The following TVP23A variants were observed in gnomAD, a reference collection of about 807,000 sequenced individuals.
TVP23A encodes the protein Golgi apparatus membrane protein TVP23 homolog A.
Under a neutral mutation model 31.7 loss-of-function variants are expected in TVP23A, and 21 were observed. The ratio of observed to expected loss-of-function variants is 0.66; its 90% CI spans 0.47 to 0.95. The LOEUF (loss-of-function observed/expected upper bound fraction) is 0.95. TVP23A is among the 40% of genes least tolerant of loss of function. The pLI is 0.00. For missense variants in TVP23A, 279 were observed against 255.6 expected, an observed-to-expected ratio of 1.09 and a Z score of -0.62; for synonymous variants, 104 against 96.0, an observed-to-expected ratio of 1.08 and a Z score of -0.49.
intron 2 of TVP23A, among the ~76,000 whole-genome samples, chr16:10,804,990 G>A (rs371195077): frequency 1.1e-4 from 17 of 151,960 alleles, no homozygotes; most frequent in South Asian, 4.2e-4. Context: ...CCTCTGTCTC[G>A]GTGTGTTCAT....
At chr16:10,795,252 T>A (rs932190047) in intron 2 of TVP23A, among the ~76,000 whole-genome samples, 1 of 90,750 alleles carries the variant, frequency 1.1e-5, no homozygotes, top group African/African-American at 8.9e-5. Context: ...TATATGATGC[T>A]TTTTTTTTTT....
intron 7 of TVP23A, among the ~76,000 whole-genome samples, chr16:10,769,993 C>T (rs761907844): frequency 1.3e-5 from 2 of 152,200 alleles, no homozygotes; most frequent in Non-Finnish European, 2.9e-5. Flanking sequence ...CTTCCCTCCC[C>T]GCCCTTCCCT....
chr16:10,760,484 G>A (rs1232612005), downstream of TVP23A, among the ~76,000 whole-genome samples: 1 of 152,350 alleles, frequency 6.6e-6, no homozygotes, highest in South Asian at 2.1e-4. Context: ...AGTGGCTCAC[G>A]CCTCTAACCC....
At chr16:10,774,473 G>T (rs895226105) in intron 3 of TVP23A, among the ~76,000 whole-genome samples, 2 of 151,970 alleles carry the variant, frequency 1.3e-5, no homozygotes, top group Non-Finnish European at 2.9e-5. Context: ...CGTGTTGTGG[G>T]GGAGACCGGG....
Position 10,793,611 on chromosome 16 carries a change from T to C in TVP23A, c.90-18515A>G, listed in dbSNP as rs554236110. Among the ~76,000 whole-genome samples the C allele has an allele frequency of 2.0e-5, 3 of 152,136 alleles. No homozygotes were observed. In the East Asian group the frequency reaches 5.8e-4, roughly 29 times the overall value. On this transcript the variant is annotated intron_variant, in intron 2 of 7. Transcript: ENST00000299866. ...AATTTACAAACAACAGAAATATTTATTTGGCTAGGTACGGTGGCTCACGTC... is the reference window on the plus strand; with the variant it reads ...AATTTACAAACAACAGAAATATTTACTTGGCTAGGTACGGTGGCTCACGTC...
At chr16:10,798,870 GC>G (rs200639547) in intron 2 of TVP23A, among the ~76,000 whole-genome samples, 1,740 of 152,226 alleles carry the variant, frequency 0.011, 39 homozygotes, top group African/African-American at 0.04. Context: ...CACCATGTTG[GC>G]CAGGATGGTC....
intron 6 of TVP23A, 56 bp downstream of exon 6, chr16:10,771,614 C>A: frequency 6.2e-7 from 1 of 1,602,456 alleles, no homozygotes; most frequent in South Asian, 1.1e-5. Context: ...AGCAGGCCAC[C>A]TTGACTTTGA....
chr16:10,768,138 C>A lies in TVP23A; in HGVS notation c.*964G>T. ...GGTGGGTGGTGGGGTCTGTGATGAC[C>A]ACAGAGTGGCCCCCATAGCCGAGGA... On this transcript the variant is annotated 3_prime_UTR_variant, in exon 8 of 8. Transcript: ENST00000299866. The surrounding 1 kb of genome is among the most constrained non-coding windows in gnomAD (Gnocchi z 4.3). The A allele has an allele frequency of 3.0e-6, 3 of 989,266 alleles. No homozygotes were observed. The highest frequency in any genetic ancestry group is 3.1e-6 in the Non-Finnish European group (2 of 642,508). The allele number at this position is 989,266 out of a possible 1,614,324, so 61.3% of individuals were successfully genotyped here. A position where few individuals can be genotyped will look rare whatever the true frequency, so the allele number is the denominator to read the frequency against.
chr16:10,785,061 C>T (rs2032663616), intron 2 of TVP23A, among the ~76,000 whole-genome samples: 1 of 148,852 alleles, frequency 6.7e-6, no homozygotes, highest in African/African-American at 2.5e-5. Flanking sequence ...CACAACACTA[C>T]ACTCCAGCCT....
At chr16:10,770,489 G>A (rs934797485) in intron 6 of TVP23A, among the ~76,000 whole-genome samples, 158 bp from the exon 7 acceptor site, 3 of 151,934 alleles carry the variant, frequency 2.0e-5, no homozygotes, top group African/African-American at 7.2e-5. Context: ...ATTTAGGACG[G>A]TTCTACCCAT....
chr16:10,781,985 C>T (rs2032454551), intron 2 of TVP23A, among the ~76,000 whole-genome samples: 1 of 150,596 alleles, frequency 6.6e-6, no homozygotes, highest in East Asian at 2.0e-4. Context: ...CCTCAACCTC[C>T]TGAGTAGCTG....
intron 2 of TVP23A, among the ~76,000 whole-genome samples, chr16:10,792,615 C>T (rs561155281): frequency 1.3e-5 from 2 of 152,328 alleles, no homozygotes; most frequent in South Asian, 4.1e-4. Context: ...CTTAAGAAAC[C>T]CAAGCCTAAA....
At chr16:10,758,886 C>T (rs766986159), downstream of TVP23A, among the ~76,000 whole-genome samples, 1 of 152,138 alleles carries the variant, frequency 6.6e-6, no homozygotes, top group African/African-American at 2.4e-5. Context: ...ATGGTGAGCC[C>T]GAGCTGAGAG....
chr16:10,791,693 C>T (rs1186101830), intron 2 of TVP23A, among the ~76,000 whole-genome samples: 3 of 152,104 alleles, frequency 2.0e-5, no homozygotes, highest in African/African-American at 7.2e-5. Flanking sequence ...CTGCAACCTC[C>T]GCCTCCTGGG....
chr16:10,774,857 C>G, intron 3 of TVP23A, 95 bp downstream of exon 3: 1 of 1,055,910 alleles, frequency 9.5e-7, no homozygotes, highest in East Asian at 2.6e-5. Context: ...TTAAGCATGT[C>G]TCAGGAGTCT....
intron 2 of TVP23A, among the ~76,000 whole-genome samples, 199 bp downstream of exon 2, chr16:10,817,904 T>C (rs1467108459): frequency 6.6e-6 from 1 of 152,178 alleles, no homozygotes; most frequent in African/African-American, 2.4e-5. Context: ...CTGTTCAACA[T>C]CAACTCCACC....
chr16:10,761,666 T>C, intron 8 of TVP23A: 1 of 726,826 alleles, frequency 1.4e-6, no homozygotes, highest in Non-Finnish European at 2.1e-6. Context: ...AACTAAGCCT[T>C]TTTTTTTTTT....
At chr16:10,773,207 A>G in intron 5 of TVP23A, 106 bp downstream of exon 5, 1 of 1,382,578 alleles carries the variant, frequency 7.2e-7, no homozygotes, top group Non-Finnish European at 9.7e-7. Context: ...TAAACTTGTT[A>G]TAATTGATCA....
intron 2 of TVP23A, among the ~76,000 whole-genome samples, chr16:10,806,279 G>A (rs1038833152): frequency 1.3e-5 from 2 of 152,134 alleles, no homozygotes; most frequent in Admixed American, 1.3e-4. Context: ...TGAGGTGGAG[G>A]TTGCAGTGAG....
Sources: allele counts gnomAD v4.1 joint callset (sites outside exome capture counted in the v4.1 genomes callset), GRCh38; gene constraint gnomAD v4.1.1; non-coding constraint Gnocchi (gnomAD v3.1); transcripts MANE v1.5; gene names NCBI Gene and HGNC (gene_info 2026-07-23, HGNC 2026-07-21).